Variants in GPR158 observed in about 807,000 individuals in gnomAD.
The protein encoded by GPR158 is G protein-coupled receptor 158, also known as metabotropic glycine receptor.
GPR158 carries 30 observed loss-of-function variants against 78.2 expected under a neutral mutation model. That is an observed-to-expected ratio of 0.38 (90% CI 0.29 to 0.52). The LOEUF (loss-of-function observed/expected upper bound fraction) is 0.52. Ranked by LOEUF, GPR158 falls within the 20% of genes least tolerant of loss-of-function variation. The pLI is 0.83. For synonymous variants in GPR158, 581 were observed against 591.1 expected (o/e 0.98, Z 0.25); for missense variants, 1,463 against 1,523.5 (o/e 0.96, Z 0.66).
chr10:25,445,931 AC>A (rs1323972117), intron 4 of GPR158, among the ~76,000 whole-genome samples: 1 of 152,160 alleles, frequency 6.6e-6, no homozygotes, highest in Non-Finnish European at 1.5e-5. Flanking sequence ...GTATTCAAGA[AC>A]CTCTAGTTGG....
chr10:25,241,409 CTCTTTTCTTTTCTTT>C lies in GPR158; in HGVS notation c.1008+20268_1008+20282del, dbSNP rs1206670364. ...CTCTTCTCTTCTCTTCTCTTCTCTT[CTCTTTTCTTTTCTTT>C]TCTTTTCTTTTCTTTCGACAGAGTC... is the stretch of plus-strand genomic sequence containing the variant. On this transcript the variant is annotated intron_variant, in intron 2 of 10. Transcript: ENST00000376351. Among the ~76,000 whole-genome samples, 366 of 107,856 alleles carry C rather than the reference CTCTTTTCTTTTCTTT, an allele frequency of 3.4e-3. 6 individuals carry two copies. Among genetic ancestry groups the C allele is most frequent in the African/African-American group, 0.012 (336 of 27,320 alleles). The allele number at this position is 107,856 out of a possible 152,430, so 70.8% of individuals were successfully genotyped here.
intron 2 of GPR158, among the ~76,000 whole-genome samples, chr10:25,314,572 T>C (rs1854818348): frequency 6.6e-6 from 1 of 151,834 alleles, no homozygotes; most frequent in Non-Finnish European, 1.5e-5. Flanking sequence ...ATTAGATCAA[T>C]GTTTTTCTTT....
At chr10:25,428,666 G>A (rs572487077) in intron 4 of GPR158, among the ~76,000 whole-genome samples, 3 of 152,044 alleles carry the variant, frequency 2.0e-5, no homozygotes, top group South Asian at 2.1e-4. Flanking sequence ...AGGGATTTCC[G>A]GACCATTTCA....
At chr10:25,350,661 G>T (rs1855447005) in intron 2 of GPR158, among the ~76,000 whole-genome samples, 1 of 152,106 alleles carries the variant, frequency 6.6e-6, no homozygotes, top group African/African-American at 2.4e-5. Flanking sequence ...TGGCAGGGAA[G>T]CTATACTTTC....
At position 25,598,404 on chromosome 10, in the gene GPR158, A is replaced by T; in HGVS notation, c.2778A>T (p.Glu926Asp). The T allele has an allele frequency of 6.2e-7, 1 of 1,614,148 alleles. No individual in the cohort carries two copies. The highest frequency in any genetic ancestry group is 8.5e-7 in the Non-Finnish European group (1 of 1,180,020). The change falls in exon 11 of 11, where the codon GAA becomes GAT. Residue 926 changes from glutamate to aspartate, a missense_variant. Coordinates refer to ENST00000376351, the MANE Select transcript of GPR158 (RefSeq NM_020752.3). ...LAGKTQTAGV[E>D]ERTKSQKPLP... ...GGAAAACCCAAACAGCAGGTGTGGAAGAACGCACTAAATCCCAGAAACCTT... is the reference window on the plus strand; with the variant it reads ...GGAAAACCCAAACAGCAGGTGTGGATGAACGCACTAAATCCCAGAAACCTT...
intron 2 of GPR158, among the ~76,000 whole-genome samples, chr10:25,245,665 T>C (rs1464318541): frequency 6.6e-6 from 1 of 152,152 alleles, no homozygotes; most frequent in East Asian, 1.9e-4. Context: ...ACTCCTGCCA[T>C]GGAACTTTTT....
At chr10:25,310,634 T>C (rs1246080774) in intron 2 of GPR158, among the ~76,000 whole-genome samples, 1 of 152,056 alleles carries the variant, frequency 6.6e-6, no homozygotes, top group East Asian at 1.9e-4. Flanking sequence ...TAGGGGTGTT[T>C]GTATTTTATC....
At chr10:25,554,356 A>T (rs997340632) in intron 6 of GPR158, among the ~76,000 whole-genome samples, 4 of 152,148 alleles carry the variant, frequency 2.6e-5, no homozygotes, top group African/African-American at 9.7e-5. Context: ...CGCAATAAAG[A>T]TCTGAGTTTT....
At chr10:25,363,299 A>C (rs544339755) in intron 2 of GPR158, among the ~76,000 whole-genome samples, 2 of 151,958 alleles carry the variant, frequency 1.3e-5, no homozygotes, top group East Asian at 3.9e-4. Context: ...TGTTTTTATC[A>C]TGGAGTATAT....
chr10:25,514,823 AG>A (rs1306664024), intron 5 of GPR158, among the ~76,000 whole-genome samples: 1 of 152,100 alleles, frequency 6.6e-6, no homozygotes, highest in African/African-American at 2.4e-5. Context: ...TTTTTGTTTA[AG>A]GAGGCTAAAA....
At chr10:25,200,869 T>TTTTTTTTTTTTTTTTTTTTTTTTTTTG (rs1852915980) in intron 1 of GPR158, among the ~76,000 whole-genome samples, 1 of 57,160 alleles carries the variant, frequency 1.7e-5, no homozygotes. Flanking sequence ...TTTTGTTTTG[T>TTTTTTTTTTTTTTTTTTTTTTTTTTTG]TTTTTTTTTT....
intron 1 of GPR158, among the ~76,000 whole-genome samples, chr10:25,211,078 A>C (rs552534142): frequency 6.6e-6 from 1 of 151,964 alleles, no homozygotes; most frequent in South Asian, 2.1e-4. Flanking sequence ...GTTGCAGTGA[A>C]CTGGGATTGT....
intron 2 of GPR158, among the ~76,000 whole-genome samples, chr10:25,265,324 G>C (rs1854031374): frequency 6.6e-6 from 1 of 152,030 alleles, no homozygotes; most frequent in Admixed American, 6.6e-5. Flanking sequence ...CTCTTCTCTT[G>C]CTGCAATAAG....
chr10:25,535,965 G>A (rs1401988434), intron 5 of GPR158, among the ~76,000 whole-genome samples: 2 of 152,136 alleles, frequency 1.3e-5, no homozygotes, highest in Non-Finnish European at 2.9e-5. Context: ...ACTGTTTTAA[G>A]TGCATCCACA....
intron 5 of GPR158, among the ~76,000 whole-genome samples, chr10:25,523,707 A>G (rs1272938519): frequency 6.6e-6 from 1 of 152,240 alleles, no homozygotes; most frequent in Non-Finnish European, 1.5e-5. Flanking sequence ...AGGAAACAGT[A>G]TAAACCAACT....
intron 7 of GPR158, among the ~76,000 whole-genome samples, chr10:25,584,637 C>T (rs1280269962): frequency 6.6e-6 from 1 of 152,222 alleles, no homozygotes; most frequent in South Asian, 2.1e-4. Flanking sequence ...CCTTCAACTA[C>T]AGCATATTTT....
At chr10:25,577,695 C>T (rs748060250) in intron 7 of GPR158, among the ~76,000 whole-genome samples, 29 of 151,968 alleles carry the variant, frequency 1.9e-4, no homozygotes, top group African/African-American at 4.8e-4. Flanking sequence ...AGAGAAAACA[C>T]GTATAGAAAA....
intron 2 of GPR158, among the ~76,000 whole-genome samples, chr10:25,249,663 C>A (rs1047246427): frequency 6.6e-6 from 1 of 150,970 alleles, no homozygotes; most frequent in African/African-American, 2.4e-5. Context: ...GGATGAAGCC[C>A]ACTTGATCAT....
chr10:25,336,165 G>T (rs941656131), intron 2 of GPR158, among the ~76,000 whole-genome samples: 6 of 151,932 alleles, frequency 3.9e-5, no homozygotes, highest in Non-Finnish European at 7.4e-5. Flanking sequence ...TTTATAAAGC[G>T]AATCCTTGTA....
Sources: gnomAD v4.1 joint callset for allele counts (sites outside exome capture counted in the v4.1 genomes callset) on GRCh38, gnomAD v4.1.1 for gene constraint, MANE v1.5 for transcripts, NCBI Gene and HGNC (gene_info 2026-07-23, HGNC 2026-07-21) for gene names.